Variants in TTC23 observed in about 807,000 individuals in gnomAD.
The protein encoded by TTC23 is tetratricopeptide repeat domain 23.
In TTC23, 58 loss-of-function variants were observed where a neutral mutation model predicts 55.1. The observed-to-expected ratio is 1.05, with a 90% confidence interval of 0.85 to 1.31. The LOEUF (loss-of-function observed/expected upper bound fraction) is 1.31, where lower values mean the gene tolerates loss of function less well. Ranked by LOEUF, TTC23 falls within the 50% of genes most tolerant of loss-of-function variation. The pLI is 0.00. For synonymous variants in TTC23, 203 were observed against 199.9 expected (o/e 1.02, Z -0.13); for missense variants, 516 against 534.4 (o/e 0.97, Z 0.34).
At chr15:99,153,712 T>A (rs2070156863) in intron 12 of TTC23, among the ~76,000 whole-genome samples, 1 of 151,652 alleles carries the variant, frequency 6.6e-6, no homozygotes, top group Non-Finnish European at 1.5e-5. Context: ...AGAAAAAAAT[T>A]TCAACAGAGC....
intron 11 of TTC23, chr15:99,158,109 C>G (rs992661620): frequency 2.0e-5 from 3 of 152,204 alleles, no homozygotes; most frequent in Non-Finnish European, 2.9e-5. Context: ...ATAAATTTCT[C>G]AGGTGAAAGA....
chr15:99,210,239 C>T (rs138710210), intron 8 of TTC23, among the ~76,000 whole-genome samples: 4 of 151,968 alleles, frequency 2.6e-5, no homozygotes, highest in African/African-American at 9.7e-5. Context: ...AAAGGAAAGA[C>T]AGAAATGCAG....
intron 10 of TTC23, 103 bp downstream of exon 10, chr15:99,174,947 G>T: frequency 2.4e-6 from 2 of 836,200 alleles, no homozygotes; most frequent in Non-Finnish European, 3.7e-6. Context: ...GCTCTGTGGC[G>T]GGCCTGTGTC....
chr15:99,221,585 T>C (rs1277807881), intron 6 of TTC23, among the ~76,000 whole-genome samples, 156 bp downstream of exon 6: 1 of 152,232 alleles, frequency 6.6e-6, no homozygotes, highest in Non-Finnish European at 1.5e-5. Flanking sequence ...TTACAGGTTA[T>C]ATACCTTATC....
intron 9 of TTC23, among the ~76,000 whole-genome samples, chr15:99,175,520 G>A (rs540305312): frequency 3.8e-4 from 58 of 152,232 alleles, no homozygotes; most frequent in Non-Finnish European, 7.2e-4. Flanking sequence ...CCAGTGCCCT[G>A]CCTACCCGCC....
chr15:99,217,125 T>C (rs1360736085), intron 8 of TTC23, among the ~76,000 whole-genome samples: 1 of 151,712 alleles, frequency 6.6e-6, no homozygotes, highest in Non-Finnish European at 1.5e-5. Context: ...GAATGATACA[T>C]ACGCTACAAA....
intron 6 of TTC23, among the ~76,000 whole-genome samples, chr15:99,221,472 A>T (rs1225152364): frequency 6.6e-6 from 1 of 152,174 alleles, no homozygotes; most frequent in Admixed American, 6.5e-5. Context: ...CCAACAGATT[A>T]ATTTTCTCCT....
intron 12 of TTC23, among the ~76,000 whole-genome samples, chr15:99,147,430 T>C (rs1165559517): frequency 6.6e-6 from 1 of 151,568 alleles, no homozygotes; most frequent in African/African-American, 2.4e-5. Flanking sequence ...TTTCACTTTG[T>C]TAGCCAGGAT....
intron 5 of TTC23, among the ~76,000 whole-genome samples, chr15:99,224,072 A>G (rs1038450665): frequency 1.3e-5 from 2 of 152,182 alleles, no homozygotes; most frequent in Non-Finnish European, 2.9e-5. Context: ...TCACCCTAAA[A>G]CAACATTTTT....
At chr15:99,232,503 G>C (rs1179895723) in intron 4 of TTC23, among the ~76,000 whole-genome samples, 1 of 151,590 alleles carries the variant, frequency 6.6e-6, no homozygotes, top group Non-Finnish European at 1.5e-5. Context: ...TGATCAAAGG[G>C]CCTGATAGAT....
chr15:99,185,231 T>C (rs1340567616), intron 9 of TTC23, among the ~76,000 whole-genome samples: 1 of 152,204 alleles, frequency 6.6e-6, no homozygotes, highest in Non-Finnish European at 1.5e-5. Context: ...AAATTAAAAA[T>C]AGCATTTTCT....
rs781813478 is a variant in TTC23 at position 99,138,024 on chromosome 15, TGCCGG to T, written c.1325_1329del (p.Pro442HisfsTer10). The T allele has an allele frequency of 6.2e-6, 10 of 1,614,032 alleles. No homozygotes were observed. The highest frequency in any genetic ancestry group is 8.5e-6 in the Non-Finnish European group (10 of 1,180,022). The stretch of plus-strand genomic sequence containing the variant: ...GGGTGGGGGCCTCAGTCTGCTGTTG[TGCCGG>T]GCCGGGCCTTCCCCAGCAGGGTGTC... On this transcript the variant is annotated frameshift_variant, in exon 14 of 14. Coordinates refer to ENST00000394132, the MANE Select transcript of TTC23 (RefSeq NM_001288615.3). LOFTEE classifies it high-confidence loss of function.
intron 5 of TTC23, 34 bp downstream of exon 5, chr15:99,228,499 C>G (rs1475332948): frequency 6.4e-7 from 1 of 1,554,928 alleles, no homozygotes; most frequent in African/African-American, 1.4e-5. Flanking sequence ...GCTCAATTCT[C>G]AGAGTAGAAA....
At chr15:99,196,456 T>C (rs1476261083) in intron 9 of TTC23, among the ~76,000 whole-genome samples, 1 of 152,140 alleles carries the variant, frequency 6.6e-6, no homozygotes, top group Non-Finnish European at 1.5e-5. Flanking sequence ...ATATTTACAG[T>C]TATTGATACT....
At chr15:99,219,321 C>G (rs575739831) in intron 6 of TTC23, among the ~76,000 whole-genome samples, 1 of 152,216 alleles carries the variant, frequency 6.6e-6, no homozygotes, top group African/African-American at 2.4e-5. Flanking sequence ...TCACCAATAG[C>G]AGAAGCAAAA....
chr15:99,156,165 G>C lies in TTC23; in HGVS notation c.1126C>G (p.Arg376Gly). ...DLAQGNHSGA[R>G]KKLKKCLQIQ... ...AGCTTTACCTTCTTCAGTTTCTTGCGGGCCCCACTGTGGTTCCCCTGCGCC... is the reference window on the plus strand; with the variant it reads ...AGCTTTACCTTCTTCAGTTTCTTGCCGGCCCCACTGTGGTTCCCCTGCGCC... Residue 376 changes from arginine (R) to glycine (G), a missense_variant, in exon 12 of 14, where the codon CGC (arginine) becomes GGC (glycine). Arg to Gly is a moderately radical substitution (Grantham distance 125). Transcript: ENST00000394132. 1 of 1,614,148 alleles carries C rather than the reference G, an allele frequency of 6.2e-7. No homozygotes were observed. The highest frequency in any genetic ancestry group is 8.5e-7 in the Non-Finnish European group (1 of 1,180,032).
At chr15:99,185,296 A>G (rs1008632403) in intron 9 of TTC23, among the ~76,000 whole-genome samples, 2 of 152,190 alleles carry the variant, frequency 1.3e-5, no homozygotes, top group East Asian at 1.9e-4. Flanking sequence ...GCAACTACTA[A>G]GAGCCAATAA....
At chr15:99,222,257 T>TTG (rs747224796) in intron 5 of TTC23, among the ~76,000 whole-genome samples, 3 of 151,866 alleles carry the variant, frequency 2.0e-5, no homozygotes, top group African/African-American at 4.8e-5. Context: ...ATAGTACACT[T>TTG]TGTGTGTGTG....
chr15:99,137,301 T>C lies in TTC23; in HGVS notation c.*709A>G, dbSNP rs1478312596. 2.6e-5 allele frequency: 4 copies of C among 152,338 alleles called. No individual in the cohort carries two copies. The highest frequency in any genetic ancestry group is 9.6e-5 in the African/African-American group (4 of 41,470). The allele number at this position is 152,338 out of a possible 1,614,324, so 9.4% of individuals were successfully genotyped here. On this transcript the variant is annotated 3_prime_UTR_variant, in exon 14 of 14. Coordinates refer to ENST00000394132, the MANE Select transcript of TTC23 (RefSeq NM_001288615.3). ...CAGCTCCAGGTGGCATCCAGGTTTG[T>C]CCTGCCTGCAGTGGAGGCCACAGGA...
Sources: allele counts gnomAD v4.1 joint callset (sites outside exome capture counted in the v4.1 genomes callset), GRCh38; gene constraint gnomAD v4.1.1; transcripts MANE v1.5; gene names NCBI Gene and HGNC (gene_info 2026-07-23, HGNC 2026-07-21).